Variants in PDIA6 observed in about 807,000 individuals in gnomAD.
PDIA6 encodes the protein protein disulfide-isomerase A6.
A neutral mutation model predicts 58.4 loss-of-function variants in PDIA6; 29 were observed. That is an observed-to-expected ratio of 0.50 (90% CI 0.37 to 0.68). PDIA6 has a LOEUF of 0.68. PDIA6 is among the 30% of genes least tolerant of loss of function. PDIA6 has a pLI of 0.00. For missense variants in PDIA6, 480 were observed against 551.0 expected (o/e 0.87, Z 1.29); for synonymous variants, 192 against 202.6 (o/e 0.95, Z 0.44).
At chr2:10,818,502 A>C (rs181050458) in intron 2 of PDIA6, among the ~76,000 whole-genome samples, 1,634 of 124,880 alleles carry the variant, frequency 0.013, 23 homozygotes, top group Non-Finnish European at 0.021. Context: ...TTATTTATTT[A>C]TTTATTTATT....
At chr2:10,785,089 G>A (rs1266130556) in intron 11 of PDIA6, 59 bp from the exon 12 acceptor site, 9 of 1,167,950 alleles carry the variant, frequency 7.7e-6, no homozygotes, top group Admixed American at 2.0e-5. Context: ...TGGTGCAGAA[G>A]AATAAACAAC....
At chr2:10,811,549 G>A (rs910372138) in intron 1 of PDIA6, among the ~76,000 whole-genome samples, 1 of 152,188 alleles carries the variant, frequency 6.6e-6, no homozygotes, top group African/African-American at 2.4e-5. Flanking sequence ...AACCCTAAGG[G>A]AGTACTATTA....
chr2:10,791,268 C>CA (rs1429621755), intron 6 of PDIA6, among the ~76,000 whole-genome samples: 3 of 151,892 alleles, frequency 2.0e-5, no homozygotes, highest in Non-Finnish European at 2.9e-5. Context: ...CTCAACCTCC[C>CA]AAGTAGCTGG....
chr2:10,797,234 T>C, intron 3 of PDIA6, 27 bp from the exon 4 acceptor site: 1 of 1,599,566 alleles, frequency 6.3e-7, no homozygotes, highest in Non-Finnish European at 8.5e-7. Context: ...GAAATAACAA[T>C]TTTTCCTTCC....
intron 2 of PDIA6, among the ~76,000 whole-genome samples, 177 bp downstream of exon 2, chr2:10,802,322 C>T (rs1666545659): frequency 6.6e-6 from 1 of 152,178 alleles, no homozygotes; most frequent in East Asian, 1.9e-4. Context: ...CATCAAAAGA[C>T]AGATCTTCCT....
At chr2:10,813,438 C>T (rs1480228272), upstream of PDIA6, among the ~76,000 whole-genome samples, 1 of 152,116 alleles carries the variant, frequency 6.6e-6, no homozygotes, top group East Asian at 1.9e-4. Context: ...AGGGGGCTGG[C>T]AATGCGCTCA....
intron 11 of PDIA6, among the ~76,000 whole-genome samples, chr2:10,786,325 G>A (rs76775802): frequency 3.4e-4 from 52 of 151,236 alleles, no homozygotes; most frequent in Middle Eastern, 3.4e-3. Context: ...GGGTGGGGGG[G>A]AAAGAAAACA....
chr2:10,833,279 T>C (rs1667753856), upstream of PDIA6, among the ~76,000 whole-genome samples: 1 of 152,150 alleles, frequency 6.6e-6, no homozygotes, highest in Non-Finnish European at 1.5e-5. Flanking sequence ...GGGGTCTTTT[T>C]CCCTGTCCGG....
At chr2:10,790,073 G>A (rs758832032) in intron 7 of PDIA6, among the ~76,000 whole-genome samples, 184 bp from the exon 8 acceptor site, 3 of 151,536 alleles carry the variant, frequency 2.0e-5, no homozygotes, top group Non-Finnish European at 4.4e-5. Context: ...CTGCCTCCTG[G>A]GTTCAAGCAA....
intron 1 of PDIA6, among the ~76,000 whole-genome samples, chr2:10,830,209 G>A (rs893488228): frequency 6.6e-6 from 1 of 152,240 alleles, no homozygotes; most frequent in Non-Finnish European, 1.5e-5. Context: ...TTCAAGACAG[G>A]GGCCAGGACT....
chr2:10,810,380 A>C, intron 1 of PDIA6: 1 of 1,498,132 alleles, frequency 6.7e-7, no homozygotes, highest in Non-Finnish European at 8.9e-7. Context: ...CAAGGACAGC[A>C]ATAACGTCAG....
chr2:10,798,510 G>T (rs1049916669), intron 2 of PDIA6, among the ~76,000 whole-genome samples: 2 of 149,672 alleles, frequency 1.3e-5, no homozygotes, highest in African/African-American at 4.9e-5. Context: ...GGAGGTTGCA[G>T]TGAGCTGAGA....
chr2:10,805,114 G>C (rs537744948), intron 1 of PDIA6, among the ~76,000 whole-genome samples: 3 of 150,886 alleles, frequency 2.0e-5, no homozygotes, highest in African/African-American at 4.9e-5. Context: ...CCATCAGAGT[G>C]AACAGGCAAC....
chr2:10,827,434 C>T (rs1272722049), intron 1 of PDIA6, among the ~76,000 whole-genome samples: 1 of 152,196 alleles, frequency 6.6e-6, no homozygotes, highest in Non-Finnish European at 1.5e-5. Flanking sequence ...CAGAGGAGAA[C>T]CTTCCTATGT....
In PDIA6 at chr2:10,797,195, C is replaced by G; in HGVS notation, c.232G>C (p.Val78Leu). ...AATALKDVVK[V>L]GAVDADKHHS... ...TGCTTATCTGCATCAACTGCACCAA[C>G]TTTGACAACATCCTGTGGAAATGTA... The change falls in exon 4 of 13, where the codon GTT becomes CTT. Residue 78 changes from valine to leucine, a missense_variant. Val to Leu is a conservative substitution (Grantham distance 32). Transcript: ENST00000272227. 6.2e-7 allele frequency: 1 copy of G among 1,609,628 alleles called. No individual in the cohort carries two copies. Among genetic ancestry groups the G allele is most frequent in the Non-Finnish European group, 8.5e-7 (1 of 1,178,730 alleles).
rs1027231045 is a variant in PDIA6 at position 10,812,758 on chromosome 2, G to C, written c.-62C>G. The C allele has an allele frequency of 8.8e-4, 1,203 of 1,369,096 alleles. 3 individuals carry two copies. Among genetic ancestry groups the C allele is most frequent in the Non-Finnish European group, 1.1e-3 (1,143 of 1,060,584 alleles). The allele number at this position is 1,369,096 out of a possible 1,614,324, so 84.8% of individuals were successfully genotyped here. ...CGCCGCTTCAGCCCTGCAGCGTGCC[G>C]CACGCCGCGCCCCCGCGCCCACGTC... On this transcript the variant is annotated 5_prime_UTR_variant, in exon 1 of 13. Transcript: ENST00000272227.
chr2:10,785,197 T>C, intron 11 of PDIA6, 167 bp from the exon 12 acceptor site: 1 of 577,962 alleles, frequency 1.7e-6, no homozygotes, highest in East Asian at 3.0e-5. Flanking sequence ...CATTATCTTT[T>C]TAATCACGGA....
At chr2:10,808,450 G>A (rs982364883) in intron 1 of PDIA6, among the ~76,000 whole-genome samples, 1 of 152,040 alleles carries the variant, frequency 6.6e-6, no homozygotes, top group Non-Finnish European at 1.5e-5. Context: ...ATAGAGACCA[G>A]AGGCAGGCAA....
At chr2:10,805,246 G>A (rs374576715) in intron 1 of PDIA6, among the ~76,000 whole-genome samples, 11,633 of 132,556 alleles carry the variant, frequency 0.088, 427 homozygotes, top group African/African-American at 0.13. Flanking sequence ...AAAAGTGGGC[G>A]AAGGACATGA....
Sources: allele counts gnomAD v4.1 joint callset (sites outside exome capture counted in the v4.1 genomes callset), GRCh38; gene constraint gnomAD v4.1.1; transcripts MANE v1.5; gene names NCBI Gene and HGNC (gene_info 2026-07-23, HGNC 2026-07-21).